SOX6: variants seen among roughly 807,000 people sequenced by gnomAD.
The protein encoded by SOX6 is SRY-box transcription factor 6, also known as transcription factor SOX-6.
SOX6 carries 11 observed loss-of-function variants against 97.8 expected under a neutral mutation model. That is an observed-to-expected ratio of 0.11 (90% CI 0.07 to 0.19). The LOEUF is 0.19. Ranked by LOEUF, SOX6 falls within the 10% of genes least tolerant of loss-of-function variation. The probability of loss-of-function intolerance (pLI) is 1.00; values close to 1 mark genes in which losing one functional copy is unlikely to be tolerated. For missense variants in SOX6, 810 were observed against 1,039.5 expected, an observed-to-expected ratio of 0.78 and a Z score of 3.04; for synonymous variants, 360 against 371.4, an observed-to-expected ratio of 0.97 and a Z score of 0.35.
intron 4 of SOX6, among the ~76,000 whole-genome samples, chr11:16,510,966 C>T (rs375464433): frequency 3.9e-5 from 6 of 152,086 alleles, no homozygotes; most frequent in Admixed American, 2.0e-4. Context: ...TCTCAATAAC[C>T]TGATCTTGTT....
intron 4 of SOX6, among the ~76,000 whole-genome samples, chr11:16,532,646 T>C (rs929743384): frequency 1.3e-5 from 2 of 151,896 alleles, no homozygotes; most frequent in African/African-American, 4.8e-5. Context: ...GAAAATACTT[T>C]ATAAAAACAG....
At chr11:16,025,733 T>C (rs1855199253) in intron 12 of SOX6, among the ~76,000 whole-genome samples, 1 of 152,140 alleles carries the variant, frequency 6.6e-6, no homozygotes. Context: ...TTGAAGATTT[T>C]TTTCCCTCAG....
chr11:16,150,587 C>A (rs987922859), intron 6 of SOX6, among the ~76,000 whole-genome samples: 1 of 152,142 alleles, frequency 6.6e-6, no homozygotes, highest in Non-Finnish European at 1.5e-5. Flanking sequence ...TTCTGTCTCT[C>A]GGGCTGAAAG....
At chr11:16,297,547 G>A (rs1241076387) in intron 3 of SOX6, among the ~76,000 whole-genome samples, 1 of 152,164 alleles carries the variant, frequency 6.6e-6, no homozygotes. Context: ...GCAGAAAGCA[G>A]AGAGTGGCTT....
intron 1 of SOX6, among the ~76,000 whole-genome samples, chr11:16,419,261 T>C (rs1418978267): frequency 6.6e-6 from 1 of 152,174 alleles, no homozygotes; most frequent in African/African-American, 2.4e-5. Flanking sequence ...CACCACACAT[T>C]ATGGTTTTGT....
At chr11:16,138,630 A>T (rs2134034819) in intron 6 of SOX6, among the ~76,000 whole-genome samples, 1 of 151,940 alleles carries the variant, frequency 6.6e-6, no homozygotes, top group East Asian at 1.9e-4. Flanking sequence ...TACATGTGCC[A>T]TGTTGGTGTG....
At chr11:16,399,661 G>A (rs1216634452) in intron 1 of SOX6, among the ~76,000 whole-genome samples, 1 of 151,408 alleles carries the variant, frequency 6.6e-6, no homozygotes, top group Non-Finnish European at 1.5e-5. Context: ...ACCTGAGTTT[G>A]CCCAGTTCAT....
intron 3 of SOX6, chr11:16,315,187 C>T (rs1565086593): frequency 6.6e-6 from 1 of 152,116 alleles, no homozygotes; most frequent in Non-Finnish European, 1.5e-5. Flanking sequence ...CTGCCCGCCT[C>T]AGCCTCCCAA....
chr11:16,478,070 C>A (rs1017232007), upstream of SOX6, among the ~76,000 whole-genome samples: 1 of 152,202 alleles, frequency 6.6e-6, no homozygotes, highest in Non-Finnish European at 1.5e-5. Flanking sequence ...TTCAAACCAT[C>A]CTCACGTGCT....
At chr11:16,672,450 T>C (rs1403035391) in intron 3 of SOX6, among the ~76,000 whole-genome samples, 2 of 152,176 alleles carry the variant, frequency 1.3e-5, no homozygotes, top group Non-Finnish European at 2.9e-5. Context: ...ACAGATTTAA[T>C]TGGACTCACA....
rs527692335 is a variant in SOX6 at position 16,131,796 on chromosome 11, G to C, written c.778-19873C>G. 1.8e-4 allele frequency among the ~76,000 whole-genome samples: 27 copies of C among 151,934 alleles called. 1 individual carries two copies. In the South Asian group the frequency reaches 5.6e-3, roughly 31 times the overall value. On this transcript the variant is annotated intron_variant, in intron 6 of 15. Transcript: ENST00000683767. Reference sequence around the variant, plus strand: ...AACATGAAAAATCTAAGAAATATAAGAATAAATGAAATACATCTAACAGAA... The same window carrying C: ...AACATGAAAAATCTAAGAAATATAACAATAAATGAAATACATCTAACAGAA...
chr11:16,262,581 T>C (rs1226389825), intron 3 of SOX6, among the ~76,000 whole-genome samples: 1 of 152,102 alleles, frequency 6.6e-6, no homozygotes, highest in East Asian at 1.9e-4. Context: ...ACCATACCAA[T>C]AAACTGTCAC....
intron 6 of SOX6, among the ~76,000 whole-genome samples, chr11:16,137,989 T>C (rs1850019399): frequency 6.6e-6 from 1 of 152,226 alleles, no homozygotes; most frequent in Non-Finnish European, 1.5e-5. Flanking sequence ...CTCTTTTCTT[T>C]ATAAATTACC....
chr11:16,170,520 T>A (rs1475559291), intron 6 of SOX6, among the ~76,000 whole-genome samples: 4 of 152,044 alleles, frequency 2.6e-5, no homozygotes, highest in Non-Finnish European at 5.9e-5. Flanking sequence ...TGGTTAATAA[T>A]TAGAATACTC....
chr11:16,171,984 T>C (rs1461572884), intron 6 of SOX6, among the ~76,000 whole-genome samples: 1 of 151,682 alleles, frequency 6.6e-6, no homozygotes, highest in Non-Finnish European at 1.5e-5. Flanking sequence ...CATATCAACA[T>C]TATCCTTCAA....
At chr11:16,190,516 T>A (rs934697844) in intron 4 of SOX6, among the ~76,000 whole-genome samples, 2 of 152,214 alleles carry the variant, frequency 1.3e-5, no homozygotes, top group Non-Finnish European at 2.9e-5. Flanking sequence ...CCACAGATGA[T>A]ATGAAGTATG....
At chr11:16,340,074 T>C (rs1456585442) in intron 2 of SOX6, among the ~76,000 whole-genome samples, 1 of 152,094 alleles carries the variant, frequency 6.6e-6, no homozygotes, top group Non-Finnish European at 1.5e-5. Context: ...CCTTCATAAA[T>C]TATTGAATTA....
chr11:16,657,858 T>C (rs922867077), intron 3 of SOX6, among the ~76,000 whole-genome samples: 5 of 152,206 alleles, frequency 3.3e-5, no homozygotes, highest in Non-Finnish European at 5.9e-5. Context: ...TAAGGGTTCC[T>C]TATATGAAGG....
At chr11:16,494,436 C>T (rs562087842) in intron 4 of SOX6, among the ~76,000 whole-genome samples, 87 of 152,228 alleles carry the variant, frequency 5.7e-4, no homozygotes, top group African/African-American at 2.0e-3. Context: ...CATCCTGATA[C>T]ATATATCCTC....
Sources: allele counts gnomAD v4.1 joint callset (sites outside exome capture counted in the v4.1 genomes callset), GRCh38; gene constraint gnomAD v4.1.1; transcripts MANE v1.5; gene names NCBI Gene and HGNC (gene_info 2026-07-23, HGNC 2026-07-21).